The following ARHGAP39 variants were observed in gnomAD, a reference collection of about 807,000 sequenced individuals.
The protein encoded by ARHGAP39 is rho GTPase-activating protein 39.
Under a neutral mutation model 106.9 loss-of-function variants are expected in ARHGAP39, and 44 were observed. The observed-to-expected ratio is 0.41, with a 90% CI of 0.32 to 0.53. The LOEUF (loss-of-function observed/expected upper bound fraction) is 0.53, where lower values mean the gene tolerates loss of function less well. Among genes scored for constraint, ARHGAP39 ranks in the 20% least tolerant of loss-of-function variants. The probability of loss-of-function intolerance (pLI) is 0.21; values close to 1 mark genes in which losing one functional copy is unlikely to be tolerated. For synonymous variants in ARHGAP39, 768 were observed against 693.2 expected (o/e 1.11, Z -1.69); for missense variants, 1,496 against 1,577.3 (o/e 0.95, Z 0.87).
intron 1 of ARHGAP39, among the ~76,000 whole-genome samples, chr8:144,638,528 C>T (rs74908396): frequency 0.098 from 14,929 of 152,188 alleles, 1,939 homozygotes; most frequent in African/African-American, 0.28. Flanking sequence ...CTCAATCAAC[C>T]TCTCTGTCAC....
In ARHGAP39 at chr8:144,608,156, C is replaced by CAAAA. The variant is rs60966946; in HGVS notation, c.-81-2465_-81-2462dup. 1.0e-3 allele frequency among the ~76,000 whole-genome samples: 97 copies of CAAAA among 96,296 alleles called. 2 individuals are homozygous for CAAAA. Among genetic ancestry groups the CAAAA allele is most frequent in the African/African-American group, 3.1e-3 (68 of 21,792 alleles). The allele number at this position is 96,296 out of a possible 152,430, so 63.2% of individuals were successfully genotyped here. ...TGGGCGACAGAGCAAGACTCTGTCTCAAAAAAAAAAAAAAAAAAAAAAAAA... is the reference window on the plus strand; with the variant it reads ...TGGGCGACAGAGCAAGACTCTGTCTCAAAAAAAAAAAAAAAAAAAAAAAAAAAAA... On this transcript the variant is annotated intron_variant, in intron 1 of 11. Transcript: ENST00000377307.
intron 5 of ARHGAP39, among the ~76,000 whole-genome samples, chr8:144,546,275 G>A (rs547115899): frequency 9.9e-5 from 15 of 152,206 alleles, no homozygotes; most frequent in South Asian, 8.3e-4. Flanking sequence ...ACCCCAGGCC[G>A]ACCTCCAGGA....
chr8:144,621,137 C>CAT (rs1292668410), intron 1 of ARHGAP39, among the ~76,000 whole-genome samples: 1 of 152,296 alleles, frequency 6.6e-6, no homozygotes, highest in Admixed American at 6.5e-5. Context: ...GCCCTGTTAG[C>CAT]ATGACATCAC....
chr8:144,599,802 A>T (rs1461721239), intron 2 of ARHGAP39, among the ~76,000 whole-genome samples: 1 of 152,198 alleles, frequency 6.6e-6, no homozygotes, highest in Non-Finnish European at 1.5e-5. Flanking sequence ...ACATGAGGGA[A>T]TGCAAATGAA....
chr8:144,574,909 T>C (rs957247175), intron 3 of ARHGAP39, among the ~76,000 whole-genome samples: 6 of 152,176 alleles, frequency 3.9e-5, no homozygotes, highest in African/African-American at 1.4e-4. Context: ...TCAGGCAATT[T>C]TGTCACTGTG....
chr8:144,608,678 G>A (rs957566971), intron 1 of ARHGAP39, among the ~76,000 whole-genome samples: 4 of 152,158 alleles, frequency 2.6e-5, no homozygotes, highest in South Asian at 2.1e-4. Flanking sequence ...TGAATCTATC[G>A]ATGAGTAAGA....
In ARHGAP39 at chr8:144,684,121, C is replaced by T. The variant is rs115278540; in HGVS notation, c.-82+1565G>A. 4.3e-3 allele frequency among the ~76,000 whole-genome samples: 648 copies of T among 152,330 alleles called. 7 individuals are homozygous for T. The highest frequency in any genetic ancestry group is 0.015 in the African/African-American group (608 of 41,566). On this transcript the variant is annotated intron_variant, in intron 1 of 11. Transcript: ENST00000377307. The surrounding 1 kb of genome is among the most constrained non-coding windows in gnomAD (Gnocchi z 4.4). ...GCAGCCTGGCTCCAGAACCCGCCCT[C>T]CTGTCCACTCTGCTCCCCTGCCTCT...
At chr8:144,620,124 T>G (rs949634217) in intron 1 of ARHGAP39, among the ~76,000 whole-genome samples, 2 of 146,868 alleles carry the variant, frequency 1.4e-5, no homozygotes, top group Non-Finnish European at 3.0e-5. Context: ...TGTGCCCGTG[T>G]GCGTGTGAGC....
At chr8:144,662,608 T>C (rs1441661335) in intron 1 of ARHGAP39, among the ~76,000 whole-genome samples, 1 of 145,822 alleles carries the variant, frequency 6.9e-6, no homozygotes, top group Admixed American at 6.8e-5. Context: ...CCCTCCCGAT[T>C]ATCCACCTTG....
intron 1 of ARHGAP39, among the ~76,000 whole-genome samples, chr8:144,630,232 T>C (rs114999134): frequency 0.019 from 2,874 of 152,058 alleles, 109 homozygotes; most frequent in African/African-American, 0.066. Flanking sequence ...CCACCACAAC[T>C]CATGTGCTCG....
chr8:144,685,771 C>T lies in ARHGAP39; in HGVS notation c.-167G>A, dbSNP rs1161804151. 6.8e-6 allele frequency among the ~76,000 whole-genome samples: 1 copy of T among 147,800 alleles called. No homozygotes were observed. The highest frequency in any genetic ancestry group is 6.7e-5 in the Admixed American group (1 of 14,904). On this transcript the variant is annotated 5_prime_UTR_variant, in exon 1 of 12. Transcript: ENST00000377307. ...TGAGCCAGCCGCCGCTCCCCGGCCTCTCTGCTGCTCCGCCGCTGCTGCCGC... is the reference window on the plus strand; with the variant it reads ...TGAGCCAGCCGCCGCTCCCCGGCCTTTCTGCTGCTCCGCCGCTGCTGCCGC...
At chr8:144,667,214 T>C (rs114565052) in intron 1 of ARHGAP39, among the ~76,000 whole-genome samples, 3,130 of 152,258 alleles carry the variant, frequency 0.021, 100 homozygotes, top group African/African-American at 0.072. Flanking sequence ...GCAGCCTGGA[T>C]GCCCTCCTGC....
At position 144,604,621 on chromosome 8, in the gene ARHGAP39, TTACCTTAAAAA is replaced by T. The variant is rs1387124867; in HGVS notation, c.80+903_80+913del. ...TGATCTGTTTTAAATAGGGTGACTA[TTACCTTAAAAA>T]TATCAATGTGACAACAGGCAGAGAA... On this transcript the variant is annotated intron_variant, in intron 2 of 11. Coordinates refer to ENST00000377307, the MANE Select transcript of ARHGAP39 (RefSeq NM_025251.3). This position sits in a 1 kb window ranked among gnomAD's most constrained non-coding sequence, Gnocchi z 4.1. 6.6e-6 allele frequency among the ~76,000 whole-genome samples: 1 copy of T among 152,094 alleles called. No individual in the cohort carries two copies. Among genetic ancestry groups the T allele is most frequent in the Non-Finnish European group, 1.5e-5 (1 of 68,026 alleles).
chr8:144,561,603 C>T (rs1349009380), intron 3 of ARHGAP39, among the ~76,000 whole-genome samples: 2 of 121,304 alleles, frequency 1.6e-5, no homozygotes, highest in South Asian at 2.5e-4. Flanking sequence ...TGGTTTCCAT[C>T]GCGCTCCAGT....
chr8:144,660,868 C>A (rs1000756850), intron 1 of ARHGAP39, among the ~76,000 whole-genome samples: 2 of 152,120 alleles, frequency 1.3e-5, no homozygotes, highest in Non-Finnish European at 2.9e-5. Flanking sequence ...TCTGTAGTCC[C>A]AGCTACTCGG....
intron 2 of ARHGAP39, among the ~76,000 whole-genome samples, chr8:144,601,959 G>T (rs572719917): frequency 7.1e-6 from 1 of 141,686 alleles, no homozygotes; most frequent in Non-Finnish European, 1.5e-5. Flanking sequence ...TCGTGTACCT[G>T]TGTTCATGTG....
intron 2 of ARHGAP39, among the ~76,000 whole-genome samples, chr8:144,596,164 T>C (rs966027485): frequency 6.6e-6 from 1 of 152,152 alleles, no homozygotes; most frequent in African/African-American, 2.4e-5. Context: ...GGCTGAGGCC[T>C]GGCCACCCCG....
At chr8:144,680,901 T>C (rs1267563556) in intron 1 of ARHGAP39, among the ~76,000 whole-genome samples, 4 of 152,146 alleles carry the variant, frequency 2.6e-5, no homozygotes, top group African/African-American at 7.2e-5. Flanking sequence ...CTCAGATATA[T>C]GATAATAAAA....
At chr8:144,575,565 A>G (rs889670196) in intron 3 of ARHGAP39, among the ~76,000 whole-genome samples, 2 of 152,098 alleles carry the variant, frequency 1.3e-5, no homozygotes, top group Admixed American at 6.6e-5. Context: ...CCATTGCCAC[A>G]TGGTGTCCTG....
Sources: allele counts gnomAD v4.1 joint callset (sites outside exome capture counted in the v4.1 genomes callset), GRCh38; gene constraint gnomAD v4.1.1; non-coding constraint Gnocchi (gnomAD v3.1); transcripts MANE v1.5; gene names NCBI Gene and HGNC (gene_info 2026-07-23, HGNC 2026-07-21).